Variants in SAMMSON observed in about 807,000 individuals in gnomAD.
SAMMSON encodes long intergenic non-protein coding RNA 1212.
At chr3:70,281,455 C>T (rs927738855) in intron 6 of SAMMSON, among the ~76,000 whole-genome samples, 1 of 152,294 alleles carries the variant, frequency 6.6e-6, no homozygotes, top group Non-Finnish European at 1.5e-5. Flanking sequence ...TAATCGTGAA[C>T]AGGCCACTTA....
rs943749382 is a variant in SAMMSON at position 70,407,276 on chromosome 3, A to G, written n.233+48952A>G. ...GTCCCTCCAAATCTCATGTCCTCAC[A>G]TTTCAAAACCAATCATACTTTCCCA... is the stretch of plus-strand genomic sequence containing the variant. On this transcript the variant is annotated intron_variant and non_coding_transcript_variant, in intron 2 of 3. Coordinates refer to the SAMMSON transcript ENST00000641053. Among the ~76,000 whole-genome samples, 32 of 152,196 alleles carry G rather than the reference A, an allele frequency of 2.1e-4. 1 individual carries two copies. Among genetic ancestry groups the G allele is most frequent in the Admixed American group, 1.3e-4 (2 of 15,288 alleles).
intron 4 of SAMMSON, among the ~76,000 whole-genome samples, chr3:70,174,009 G>A (rs1022325642): frequency 2.0e-5 from 3 of 151,832 alleles, no homozygotes; most frequent in Non-Finnish European, 4.4e-5. Context: ...AACTTCCCCA[G>A]GAAAGTTGCT....
chr3:70,237,243 C>A (rs1701618808), intron 4 of SAMMSON, among the ~76,000 whole-genome samples: 1 of 152,174 alleles, frequency 6.6e-6, no homozygotes, highest in Non-Finnish European at 1.5e-5. Flanking sequence ...TTTAGATCTT[C>A]CTCATCCTAA....
intron 3 of SAMMSON, among the ~76,000 whole-genome samples, chr3:70,055,759 TTG>T (rs1405989455): frequency 2.0e-5 from 3 of 152,126 alleles, no homozygotes; most frequent in African/African-American, 7.2e-5. Flanking sequence ...CTTTCAATTA[TTG>T]TCACCTTGTT....
chr3:70,234,233 A>G (rs1701587869), intron 4 of SAMMSON, among the ~76,000 whole-genome samples: 1 of 152,204 alleles, frequency 6.6e-6, no homozygotes, highest in African/African-American at 2.4e-5. Flanking sequence ...GGCTGGGTTG[A>G]CACCTAAAAA....
At chr3:70,106,016 T>C (rs2106657487) in intron 4 of SAMMSON, among the ~76,000 whole-genome samples, 1 of 152,336 alleles carries the variant, frequency 6.6e-6, no homozygotes, top group East Asian at 1.9e-4. Flanking sequence ...TCTTGGCTGC[T>C]TTCTGGAAGT....
At chr3:70,338,850 A>T (rs1015624371) in intron 7 of SAMMSON, among the ~76,000 whole-genome samples, 1 of 152,080 alleles carries the variant, frequency 6.6e-6, no homozygotes, top group African/African-American at 2.4e-5. Flanking sequence ...AGATTCAATG[A>T]CATCCCCATC....
At chr3:70,274,593 C>T (rs1702004069) in intron 6 of SAMMSON, among the ~76,000 whole-genome samples, 1 of 152,060 alleles carries the variant, frequency 6.6e-6, no homozygotes. Context: ...GACACATGGA[C>T]ACATGGTGGG....
At chr3:70,167,498 A>G (rs1250688065) in intron 4 of SAMMSON, among the ~76,000 whole-genome samples, 4 of 151,990 alleles carry the variant, frequency 2.6e-5, no homozygotes, top group Non-Finnish European at 5.9e-5. Context: ...GACACATTGT[A>G]TTTTGAGCAA....
chr3:70,353,352 A>G lies in SAMMSON; in HGVS notation n.740-823A>G, dbSNP rs1271857411. On this transcript the variant is annotated intron_variant and non_coding_transcript_variant, in intron 7 of 9. Transcript: ENST00000642114. Reference sequence around the variant, plus strand: ...ATCTGAGAAAGGACTAGCAACTAGAATATATAAAGAACTCAGAAAACTGCA... The same window carrying G: ...ATCTGAGAAAGGACTAGCAACTAGAGTATATAAAGAACTCAGAAAACTGCA... Among the ~76,000 whole-genome samples the G allele has an allele frequency of 3.3e-5, 5 of 150,580 alleles. 1 individual carries two copies. Among genetic ancestry groups the G allele is most frequent in the Admixed American group, 2.0e-4 (3 of 15,180 alleles).
At chr3:70,000,461 A>G (rs892028059) in intron 1 of SAMMSON, among the ~76,000 whole-genome samples, 2 of 152,202 alleles carry the variant, frequency 1.3e-5, no homozygotes, top group Non-Finnish European at 2.9e-5. Flanking sequence ...TTTCACCCAC[A>G]TTTTGTATCT....
intron 2 of SAMMSON, among the ~76,000 whole-genome samples, chr3:70,412,102 C>A (rs1159359836): frequency 6.6e-6 from 1 of 152,052 alleles, no homozygotes; most frequent in African/African-American, 2.4e-5. Flanking sequence ...TGAGGGGAAG[C>A]TTTTAAAGGA....
chr3:70,390,039 A>G (rs1163421717), downstream of SAMMSON, among the ~76,000 whole-genome samples: 1 of 152,114 alleles, frequency 6.6e-6, no homozygotes. Flanking sequence ...ACATCAGCTT[A>G]TCTAAATGCT....
At chr3:70,275,676 T>C (rs902632745) in intron 6 of SAMMSON, among the ~76,000 whole-genome samples, 1 of 152,226 alleles carries the variant, frequency 6.6e-6, no homozygotes, top group African/African-American at 2.4e-5. Context: ...CATCTGTTCA[T>C]CAGCGATAAC....
chr3:70,159,360 G>A (rs2067605163), intron 4 of SAMMSON, among the ~76,000 whole-genome samples: 1 of 147,896 alleles, frequency 6.8e-6, no homozygotes, highest in African/African-American at 2.5e-5. Flanking sequence ...AGTGTGTGAT[G>A]TTCCCCTTCC....
intron 7 of SAMMSON, among the ~76,000 whole-genome samples, chr3:70,349,108 T>G (rs1279487046): frequency 6.6e-6 from 1 of 151,896 alleles, no homozygotes; most frequent in Non-Finnish European, 1.5e-5. Flanking sequence ...GCCACAGTGG[T>G]TCATGCCTGT....
intron 6 of SAMMSON, among the ~76,000 whole-genome samples, chr3:70,284,742 T>C (rs1009464668): frequency 5.9e-5 from 9 of 152,182 alleles, no homozygotes; most frequent in East Asian, 3.9e-4. Context: ...CTGGGGCCTA[T>C]TGGAGGGTGA....
intron 2 of SAMMSON, among the ~76,000 whole-genome samples, chr3:70,396,421 T>C (rs1438819601): frequency 6.6e-6 from 1 of 152,174 alleles, no homozygotes; most frequent in Admixed American, 6.5e-5. Context: ...CCTGTGATTA[T>C]TGCAGGGGTC....
intron 6 of SAMMSON, among the ~76,000 whole-genome samples, chr3:70,282,585 G>T (rs1185835610): frequency 1.3e-5 from 2 of 152,104 alleles, no homozygotes; most frequent in African/African-American, 4.8e-5. Context: ...CAGGAACTTT[G>T]CACTTGCTAT....
Sources: allele counts gnomAD v4.1 joint callset (sites outside exome capture counted in the v4.1 genomes callset), GRCh38; gene constraint gnomAD v4.1.1; transcripts MANE v1.5; gene names NCBI Gene and HGNC (gene_info 2026-07-23, HGNC 2026-07-21).